The following TNKS variants were observed in gnomAD, a reference collection of about 807,000 sequenced individuals.
TNKS encodes the protein poly [ADP-ribose] polymerase tankyrase-1.
TNKS carries 72 observed loss-of-function variants against 135.8 expected under a neutral mutation model. That is an observed-to-expected ratio of 0.53 (90% CI 0.44 to 0.64). The LOEUF is 0.64. TNKS is among the 30% of genes least tolerant of loss of function. The pLI is 0.00. For synonymous variants in TNKS, 849 were observed against 649.3 expected, an observed-to-expected ratio of 1.31 and a Z score of -4.68; for missense variants, 1,769 against 1,674.0, an observed-to-expected ratio of 1.06 and a Z score of -0.99.
At chr8:9,616,950 A>G (rs1427903548) in intron 3 of TNKS, among the ~76,000 whole-genome samples, 5 of 152,176 alleles carry the variant, frequency 3.3e-5, no homozygotes, top group Non-Finnish European at 7.3e-5. Flanking sequence ...GTGGTCTCTG[A>G]CCAAAGGAGA....
At chr8:9,623,196 C>T (rs1295193990) in intron 3 of TNKS, among the ~76,000 whole-genome samples, 1 of 152,160 alleles carries the variant, frequency 6.6e-6, no homozygotes, top group Admixed American at 6.5e-5. Flanking sequence ...AGTCTTTGCT[C>T]TCTAGTCACT....
intron 20 of TNKS, among the ~76,000 whole-genome samples, chr8:9,758,289 G>T (rs995179612): frequency 3.3e-5 from 5 of 152,162 alleles, no homozygotes; most frequent in Non-Finnish European, 7.4e-5. Flanking sequence ...TTTATATTCA[G>T]TTGCAAGTAT....
intron 2 of TNKS, among the ~76,000 whole-genome samples, chr8:9,597,631 G>A (rs1182828377): frequency 6.6e-6 from 1 of 152,174 alleles, no homozygotes; most frequent in East Asian, 1.9e-4. Flanking sequence ...TTCAATAGCA[G>A]GGGTATCGTG....
chr8:9,761,704 A>G, intron 21 of TNKS, 68 bp downstream of exon 21: 1 of 1,520,574 alleles, frequency 6.6e-7, no homozygotes, highest in Non-Finnish European at 8.8e-7. Flanking sequence ...GGGGCTGATA[A>G]TTGAACTCAG....
intron 2 of TNKS, among the ~76,000 whole-genome samples, chr8:9,595,391 C>T (rs1798743216): frequency 6.6e-6 from 1 of 152,046 alleles, no homozygotes; most frequent in Non-Finnish European, 1.5e-5. Flanking sequence ...GTCATTGTGC[C>T]TTTGGAAATA....
intron 3 of TNKS, among the ~76,000 whole-genome samples, chr8:9,645,237 T>A (rs1800877726): frequency 6.6e-6 from 1 of 152,006 alleles, no homozygotes; most frequent in Non-Finnish European, 1.5e-5. Flanking sequence ...AGGGTGGGGT[T>A]TGTAGAATCC....
chr8:9,721,886 C>G (rs1285836355), intron 12 of TNKS, among the ~76,000 whole-genome samples: 4 of 151,874 alleles, frequency 2.6e-5, no homozygotes, highest in African/African-American at 9.7e-5. Flanking sequence ...ACCCCCATCT[C>G]TACTAAATGT....
In TNKS at chr8:9,556,265, C is replaced by T; in HGVS notation, c.326C>T (p.Ser109Phe). 6.2e-7 allele frequency: 1 copy of T among 1,614,254 alleles called. No homozygotes were observed. The highest frequency in any genetic ancestry group is 1.1e-5 in the South Asian group (1 of 91,088). ...GCCGCTCCCGTGGTCCCAGCGGTTT[C>T]TACTTCATCTGCCGCTGGGGTCGCT... The part of the protein sequence containing the change: ...VAAAPVVPAV[S>F]TSSAAGVAPN... Residue 109 changes from serine (S) to phenylalanine (F), a missense_variant, in exon 1 of 27, where the codon TCT (serine) becomes TTT (phenylalanine). Physicochemically the swap from Ser to Phe is radical, Grantham distance 155. This residue lies in a region of TNKS where 450 missense variants were observed against 304.9 expected (regional missense o/e 1.48). Transcript: ENST00000310430.
intron 11 of TNKS, among the ~76,000 whole-genome samples, chr8:9,715,147 G>C (rs1804543336): frequency 6.6e-6 from 1 of 152,112 alleles, no homozygotes; most frequent in Admixed American, 6.5e-5. Context: ...AGGCAGACTG[G>C]GGCATTACTT....
At chr8:9,748,666 G>A (rs1337132570) in intron 18 of TNKS, among the ~76,000 whole-genome samples, 2 of 152,112 alleles carry the variant, frequency 1.3e-5, no homozygotes, top group African/African-American at 2.4e-5. Context: ...TGAAAACCAG[G>A]GAGTTACTGT....
intron 25 of TNKS, among the ~76,000 whole-genome samples, chr8:9,769,201 G>A (rs556272770): frequency 2.4e-4 from 37 of 152,294 alleles, no homozygotes; most frequent in African/African-American, 8.4e-4. Flanking sequence ...ATGAATGCAT[G>A]GCTGTGTGCC....
chr8:9,609,863 T>C (rs992520181), intron 2 of TNKS, among the ~76,000 whole-genome samples: 2 of 152,152 alleles, frequency 1.3e-5, no homozygotes, highest in South Asian at 4.1e-4. Context: ...CTTTTTTTCT[T>C]TTTTTTCTTT....
At chr8:9,730,804 C>G in intron 13 of TNKS, 86 bp from the exon 14 acceptor site, 1 of 1,413,010 alleles carries the variant, frequency 7.1e-7, no homozygotes, top group South Asian at 1.4e-5. Flanking sequence ...TTTACTTATC[C>G]AAGATGTTGA....
intron 2 of TNKS, among the ~76,000 whole-genome samples, chr8:9,601,954 T>C (rs558210519): frequency 9.9e-5 from 15 of 152,104 alleles, no homozygotes; most frequent in African/African-American, 3.4e-4. Context: ...GCCTTGCATG[T>C]GTATGAGGAG....
At chr8:9,752,717 G>C (rs902084603) in intron 20 of TNKS, 91 bp downstream of exon 20, 20 of 839,548 alleles carry the variant, frequency 2.4e-5, no homozygotes, top group African/African-American at 7.0e-5. Flanking sequence ...CAACACTTTG[G>C]AATGCTTCGG....
rs149360695 is a variant in TNKS, at chr8:9,595,842, G to T, written c.898+15459G>T. Among the ~76,000 whole-genome samples, 311 of 149,474 alleles carry T rather than the reference G, an allele frequency of 2.1e-3. 2 individuals are homozygous for T. Among genetic ancestry groups the T allele is most frequent in the African/African-American group, 7.2e-3 (278 of 38,836 alleles). On this transcript the variant is annotated intron_variant, in intron 2 of 26. Transcript: ENST00000310430. ...CAATCTATGGGTTAGGTTAGGTGCA[G>T]TGACTCATACCTCTAATCTTGGCAC...
intron 20 of TNKS, among the ~76,000 whole-genome samples, chr8:9,756,954 T>G (rs1268670011): frequency 6.6e-6 from 1 of 151,846 alleles, no homozygotes; most frequent in Admixed American, 6.6e-5. Flanking sequence ...TTTGGTATAC[T>G]TTTTTTGTTT....
intron 3 of TNKS, among the ~76,000 whole-genome samples, chr8:9,633,370 G>C (rs939384618): frequency 1.3e-5 from 2 of 152,174 alleles, no homozygotes; most frequent in African/African-American, 4.8e-5. Context: ...ACACAATAGA[G>C]TATTTTACAT....
At chr8:9,590,625 C>G (rs1432384923) in intron 2 of TNKS, among the ~76,000 whole-genome samples, 2 of 152,138 alleles carry the variant, frequency 1.3e-5, no homozygotes, top group African/African-American at 4.8e-5. Flanking sequence ...CTACTCTGTG[C>G]CAGAACCTCA....
Sources: allele counts gnomAD v4.1 joint callset (sites outside exome capture counted in the v4.1 genomes callset), GRCh38; gene constraint gnomAD v4.1.1; regional missense constraint gnomAD v4.1.1; transcripts MANE v1.5; gene names NCBI Gene and HGNC (gene_info 2026-07-23, HGNC 2026-07-21).